The following SNX8 variants were observed in gnomAD, a reference collection of about 807,000 sequenced individuals.
SNX8 encodes the protein sorting nexin-8.
In SNX8, 25 loss-of-function variants were observed where a neutral mutation model predicts 51.6. The ratio of observed to expected loss-of-function variants is 0.48; its 90% CI spans 0.35 to 0.68. The LOEUF (loss-of-function observed/expected upper bound fraction) is 0.68. SNX8 is among the 30% of genes least tolerant of loss of function. The pLI is 0.00. For synonymous variants in SNX8, 324 were observed against 277.0 expected (o/e 1.17, Z -1.68); for missense variants, 695 against 624.0 (o/e 1.11, Z -1.21).
chr7:2,300,179 T>C (rs906138049), intron 1 of SNX8, among the ~76,000 whole-genome samples: 1 of 152,132 alleles, frequency 6.6e-6, no homozygotes, highest in African/African-American at 2.4e-5. Context: ...GGCTGGACTC[T>C]CATCTGGTGT....
intron 7 of SNX8, among the ~76,000 whole-genome samples, chr7:2,259,329 G>A (rs1470553395): frequency 6.6e-6 from 1 of 152,152 alleles, no homozygotes; most frequent in African/African-American, 2.4e-5. Flanking sequence ...GGTCCCCACA[G>A]CTCACGCCCT....
At chr7:2,344,399 CAGG>C (rs1778985003) in intron 1 of SNX8, among the ~76,000 whole-genome samples, 1 of 149,074 alleles carries the variant, frequency 6.7e-6, no homozygotes, top group South Asian at 2.1e-4. Context: ...ATCACGAGGT[CAGG>C]AGATCGAAAC....
intron 7 of SNX8, 28 bp downstream of exon 7, chr7:2,263,202 A>T: frequency 6.2e-7 from 1 of 1,612,216 alleles, no homozygotes; most frequent in African/African-American, 1.3e-5. Context: ...TCTCTGGAAC[A>T]GGCGCCTGGG....
intron 7 of SNX8, among the ~76,000 whole-genome samples, chr7:2,259,042 G>A (rs1795271896): frequency 6.6e-6 from 1 of 152,210 alleles, no homozygotes; most frequent in Non-Finnish European, 1.5e-5. Context: ...CAGGCACAGT[G>A]CACACGGCCC....
At chr7:2,286,643 T>C (rs1402035275) in intron 1 of SNX8, among the ~76,000 whole-genome samples, 2 of 151,284 alleles carry the variant, frequency 1.3e-5, no homozygotes, top group Admixed American at 6.6e-5. Context: ...CTCAGCCTCC[T>C]GAGTAGCCGG....
At chr7:2,274,993 C>G (rs1041429084) in intron 3 of SNX8, 119 bp downstream of exon 3, 362 of 4,908 alleles carry the variant, frequency 0.074, 5 homozygotes, top group Admixed American at 0.29. Flanking sequence ...GCTGGAGTTT[C>G]CCCCGCAGCC....
Position 2,257,096 on chromosome 7 carries a change from T to C in SNX8, c.1135-73A>G, listed in dbSNP as rs542573624. ...GAGCACCAAGGCCCGAACACCAGCG[T>C]GCTCCCTGAGCCAGGGCGGCCCCTT... On this transcript the variant is annotated intron_variant, in intron 9 of 10. Transcript: ENST00000222990. 218 of 1,483,540 alleles carry C rather than the reference T, an allele frequency of 1.5e-4. 1 individual carries two copies. Among genetic ancestry groups the C allele is most frequent in the Middle Eastern group, 2.4e-4 (1 of 4,242 alleles). The allele number at this position is 1,483,540 out of a possible 1,614,324, so 91.9% of individuals were successfully genotyped here.
At chr7:2,301,156 T>G (rs1010793138) in intron 1 of SNX8, among the ~76,000 whole-genome samples, 1 of 152,186 alleles carries the variant, frequency 6.6e-6, no homozygotes, top group Non-Finnish European at 1.5e-5. Flanking sequence ...TGCAACTATC[T>G]CCCTCTAAGG....
At position 2,303,307 on chromosome 7, in the gene SNX8, A is replaced by T. The variant is rs543683717; in HGVS notation, c.94+11021T>A. Among the ~76,000 whole-genome samples the T allele has an allele frequency of 3.1e-3, 464 of 149,558 alleles. 4 individuals carry two copies. The highest frequency in any genetic ancestry group is 0.011 in the African/African-American group (453 of 40,424). On this transcript the variant is annotated intron_variant, in intron 1 of 10. Coordinates refer to ENST00000222990, the MANE Select transcript of SNX8 (RefSeq NM_013321.4). ...GGGGGGGTCAGCCCCCCGCCCGGCC[A>T]GCCGCCCCGTCCGGGAGGGAGGTGG...
At chr7:2,267,799 T>C (rs1245453287) in intron 5 of SNX8, among the ~76,000 whole-genome samples, 2 of 124,378 alleles carry the variant, frequency 1.6e-5, no homozygotes, top group Non-Finnish European at 3.4e-5. Context: ...GGAGCCCCTC[T>C]GCCTGGCTGC....
chr7:2,301,931 A>G (rs1230559968), intron 1 of SNX8, among the ~76,000 whole-genome samples: 1 of 152,072 alleles, frequency 6.6e-6, no homozygotes, highest in Non-Finnish European at 1.5e-5. Context: ...TGCAGAGCAC[A>G]TTGTCCAGGC....
chr7:2,275,185 G>A lies in SNX8; in HGVS notation c.345C>T (p.Val115=), dbSNP rs1312329292. 7 of 1,613,994 alleles carry A rather than the reference G, an allele frequency of 4.3e-6. No homozygotes were observed. Among genetic ancestry groups the A allele is most frequent in the East Asian group, 2.2e-5 (1 of 44,886 alleles). Reference sequence around the variant, plus strand: ...ACTTGTGCAGGAGCATCTCCTGGAAGACCACGAAGTCATTGTACCGTCTGT... The same window carrying A: ...ACTTGTGCAGGAGCATCTCCTGGAAAACCACGAAGTCATTGTACCGTCTGT... ...SVYRRYNDFV[V]FQEMLLHKFP... is the part of the protein sequence containing the mutation. The change falls in exon 3 of 11, where the codon GTC becomes GTT. Residue 115 remains valine (V), a synonymous_variant. Coordinates refer to ENST00000222990, the MANE Select transcript of SNX8 (RefSeq NM_013321.4).
chr7:2,335,207 GA>G (rs58895809), intron 1 of SNX8, among the ~76,000 whole-genome samples: 62,037 of 148,706 alleles, frequency 0.42, 15,203 homozygotes, highest in South Asian at 0.55. Context: ...AAAGAAAAAA[GA>G]AAAAAAAAAT....
chr7:2,269,117 A>G (rs1361166913), intron 5 of SNX8, among the ~76,000 whole-genome samples: 2 of 143,564 alleles, frequency 1.4e-5, no homozygotes, highest in Non-Finnish European at 3.1e-5. Context: ...AGATTGAGAA[A>G]TCGGATGGTT....
chr7:2,268,406 G>A (rs1795539612), intron 5 of SNX8, among the ~76,000 whole-genome samples: 1 of 145,074 alleles, frequency 6.9e-6, no homozygotes, highest in Admixed American at 6.8e-5. Flanking sequence ...TCTGGGAAGT[G>A]AGGAGCGTCT....
chr7:2,331,471 T>C (rs12538376), intron 1 of SNX8, among the ~76,000 whole-genome samples: 76,446 of 151,336 alleles, frequency 0.51, 19,447 homozygotes, highest in East Asian at 0.58. Context: ...CTTTAGGAGG[T>C]CAAGAGGGCA....
In SNX8 at chr7:2,334,385, G is replaced by A. The variant is rs113716974; in HGVS notation, c.-66+19837C>T. On this transcript the variant is annotated intron_variant, in intron 1 of 5. Transcript: ENST00000435336. ...ACCACTGGACTCCAGCCAGGGTGAC[G>A]GAGCGAGACTCCATCTCAAAAAAAA... Among the ~76,000 whole-genome samples the A allele has an allele frequency of 9.1e-3, 1,345 of 148,368 alleles. 14 individuals carry two copies. Among genetic ancestry groups the A allele is most frequent in the African/African-American group, 0.032 (1,285 of 40,222 alleles).
At chr7:2,305,927 A>G (rs1796534264) in intron 1 of SNX8, among the ~76,000 whole-genome samples, 1 of 152,014 alleles carries the variant, frequency 6.6e-6, no homozygotes, top group Non-Finnish European at 1.5e-5. Context: ...CAAAATAAAA[A>G]ATAAAGACAG....
upstream of SNX8, among the ~76,000 whole-genome samples, chr7:2,318,142 C>T (rs1215479964): frequency 6.6e-6 from 1 of 152,142 alleles, no homozygotes; most frequent in African/African-American, 2.4e-5. Context: ...AACTCCTGGC[C>T]TCAATCAGTC....
Sources: allele counts gnomAD v4.1 joint callset (sites outside exome capture counted in the v4.1 genomes callset), GRCh38; gene constraint gnomAD v4.1.1; transcripts MANE v1.5; gene names NCBI Gene and HGNC (gene_info 2026-07-23, HGNC 2026-07-21).